Variants in GRID2 observed in about 807,000 individuals in gnomAD.
GRID2 encodes glutamate receptor ionotropic, delta-2.
Under a neutral mutation model 114.8 loss-of-function variants are expected in GRID2, and 33 were observed. The observed-to-expected ratio is 0.29, with a 90% CI of 0.22 to 0.38. GRID2 has a LOEUF of 0.38. GRID2 is among the 10% of genes least tolerant of loss of function. The probability of loss-of-function intolerance (pLI) is 1.00; values close to 1 mark genes in which losing one functional copy is unlikely to be tolerated. For missense variants in GRID2, 1,184 were observed against 1,257.7 expected, an observed-to-expected ratio of 0.94 and a Z score of 0.89; for synonymous variants, 505 against 449.9, an observed-to-expected ratio of 1.12 and a Z score of -1.55.
At chr4:92,922,890 A>G (rs1749483720) in intron 2 of GRID2, among the ~76,000 whole-genome samples, 1 of 152,180 alleles carries the variant, frequency 6.6e-6, no homozygotes. Flanking sequence ...TACTTGGGGG[A>G]AGAATAATGG....
At chr4:93,248,665 A>C (rs1473926097) in intron 8 of GRID2, among the ~76,000 whole-genome samples, 2 of 152,084 alleles carry the variant, frequency 1.3e-5, no homozygotes, top group Admixed American at 6.6e-5. Flanking sequence ...ATATAATTTA[A>C]ATTTGAATAG....
chr4:92,391,352 C>A (rs898772885), intron 1 of GRID2, among the ~76,000 whole-genome samples: 1 of 152,064 alleles, frequency 6.6e-6, no homozygotes, highest in Non-Finnish European at 1.5e-5. Context: ...TTCCTCCTGA[C>A]ATTATTTTGA....
intron 1 of GRID2, among the ~76,000 whole-genome samples, chr4:92,364,113 TATA>T (rs1404405069): frequency 6.6e-6 from 1 of 151,958 alleles, no homozygotes; most frequent in Non-Finnish European, 1.5e-5. Flanking sequence ...AATATCAAAT[TATA>T]AAAAAGTAAA....
At chr4:93,784,768 TATG>T (rs1481626714) in intron 1 of GRID2, among the ~76,000 whole-genome samples, 1 of 151,950 alleles carries the variant, frequency 6.6e-6, no homozygotes, top group Non-Finnish European at 1.5e-5. Flanking sequence ...TAAGGCAAAG[TATG>T]ATATGTTCCA....
rs368288347 is a variant in GRID2 at position 93,028,190 on chromosome 4, A to G, written c.245-56805A>G. On this transcript the variant is annotated intron_variant, in intron 2 of 15. Transcript: ENST00000282020. ...ATGAGCTCTTGAAGCTTATAATGCA[A>G]TGAGGAAGACAGGATACACCAAAAA... Among the ~76,000 whole-genome samples, 80 of 152,318 alleles carry G rather than the reference A, an allele frequency of 5.3e-4. No homozygotes were observed. The South Asian group carries it at 0.015, about 28-fold the overall frequency.
At chr4:93,291,928 C>T (rs1411827323) in intron 8 of GRID2, among the ~76,000 whole-genome samples, 1 of 152,058 alleles carries the variant, frequency 6.6e-6, no homozygotes, top group Non-Finnish European at 1.5e-5. Context: ...GAGAACACTT[C>T]AAATCTACTT....
intron 14 of GRID2, among the ~76,000 whole-genome samples, chr4:93,633,292 GCTTTA>G (rs1360806286): frequency 6.6e-6 from 1 of 151,554 alleles, no homozygotes; most frequent in African/African-American, 2.4e-5. Flanking sequence ...AATATTTAGT[GCTTTA>G]CTTTGTATTT....
chr4:93,229,115 A>G (rs1429800085), intron 7 of GRID2, among the ~76,000 whole-genome samples: 1 of 152,150 alleles, frequency 6.6e-6, no homozygotes, highest in East Asian at 1.9e-4. Flanking sequence ...GTTCAATTTT[A>G]TATTTTTGTC....
chr4:92,846,531 G>C (rs571684508), intron 2 of GRID2, among the ~76,000 whole-genome samples: 1 of 152,168 alleles, frequency 6.6e-6, no homozygotes, highest in South Asian at 2.1e-4. Flanking sequence ...TTTGCTTACA[G>C]CTTGATCTCT....
chr4:92,944,701 T>G (rs2149543783), intron 2 of GRID2, among the ~76,000 whole-genome samples: 1 of 152,308 alleles, frequency 6.6e-6, no homozygotes, highest in Middle Eastern at 3.4e-3. Flanking sequence ...TCTTCAATAT[T>G]TCTAACATAT....
intron 1 of GRID2, among the ~76,000 whole-genome samples, chr4:92,314,327 C>T (rs971397639): frequency 5.3e-5 from 8 of 151,968 alleles, no homozygotes; most frequent in Non-Finnish European, 1.0e-4. Context: ...TGTACTAATT[C>T]CAGGAACACA....
chr4:92,699,321 T>A (rs1350285299), intron 2 of GRID2, among the ~76,000 whole-genome samples: 1 of 152,164 alleles, frequency 6.6e-6, no homozygotes, highest in African/African-American at 2.4e-5. Context: ...AATATTCCAG[T>A]ACATTTCCCT....
chr4:92,317,518 C>G lies in GRID2; in HGVS notation c.88+12774C>G, dbSNP rs539150479. 2.6e-5 allele frequency among the ~76,000 whole-genome samples: 4 copies of G among 152,250 alleles called. No individual in the cohort carries two copies. In the East Asian group the frequency reaches 5.8e-4, roughly 22 times the overall value. On this transcript the variant is annotated intron_variant, in intron 1 of 15. Transcript: ENST00000282020. ...AATAAACAGTTAATAAATAGCAAAA[C>G]TGGCTGCTTTGATTTTTTCTTTTTA...
intron 2 of GRID2, among the ~76,000 whole-genome samples, chr4:92,717,286 T>C (rs1560550467): frequency 6.6e-6 from 1 of 152,164 alleles, no homozygotes; most frequent in Non-Finnish European, 1.5e-5. Flanking sequence ...AACAGCCTCT[T>C]CATGCTCCCA....
chr4:92,769,192 G>A (rs1203590109), intron 2 of GRID2, among the ~76,000 whole-genome samples: 1 of 152,188 alleles, frequency 6.6e-6, no homozygotes, highest in Non-Finnish European at 1.5e-5. Context: ...CAGGCCCTGT[G>A]CAGTCCGAAA....
At chr4:93,547,924 C>T (rs1733375592) in intron 13 of GRID2, among the ~76,000 whole-genome samples, 1 of 152,156 alleles carries the variant, frequency 6.6e-6, no homozygotes, top group African/African-American at 2.4e-5. Context: ...TGCCTGTAAT[C>T]TCAGCACTTT....
chr4:93,596,165 T>A (rs192386849), intron 13 of GRID2, among the ~76,000 whole-genome samples: 8 of 152,366 alleles, frequency 5.3e-5, no homozygotes, highest in Admixed American at 3.3e-4. Flanking sequence ...AAATTAGCCC[T>A]AGTAAACCTT....
chr4:92,701,572 T>G (rs2149301674), intron 2 of GRID2, among the ~76,000 whole-genome samples: 1 of 152,260 alleles, frequency 6.6e-6, no homozygotes, highest in South Asian at 2.1e-4. Context: ...GAACTTTTAT[T>G]TGTTTTAAAA....
intron 2 of GRID2, among the ~76,000 whole-genome samples, chr4:93,022,684 A>G (rs984176338): frequency 1.3e-5 from 2 of 151,942 alleles, no homozygotes; most frequent in Non-Finnish European, 2.9e-5. Flanking sequence ...TAAAATTTTA[A>G]TTTGTATTAA....
Sources: gnomAD v4.1 joint callset for allele counts (sites outside exome capture counted in the v4.1 genomes callset) on GRCh38, gnomAD v4.1.1 for gene constraint, MANE v1.5 for transcripts, NCBI Gene and HGNC (gene_info 2026-07-23, HGNC 2026-07-21) for gene names.